FAM13B: variants seen among roughly 807,000 people sequenced by gnomAD.
FAM13B encodes protein FAM13B.
Under a neutral mutation model 117.3 loss-of-function variants are expected in FAM13B, and 60 were observed. That is an observed-to-expected ratio of 0.51 (90% CI 0.42 to 0.63). The LOEUF is 0.63. Among genes scored for constraint, FAM13B ranks in the 30% least tolerant of loss-of-function variants. The pLI is 0.00. For missense variants in FAM13B, 972 were observed against 1,091.9 expected (o/e 0.89, Z 1.55); for synonymous variants, 332 against 356.1 (o/e 0.93, Z 0.76).
chr5:138,037,563 G>T (rs773767267), upstream of FAM13B, among the ~76,000 whole-genome samples: 5 of 152,040 alleles, frequency 3.3e-5, no homozygotes, highest in Admixed American at 2.0e-4. Context: ...CACAGAGAAT[G>T]CAAATGGGTT....
In FAM13B at chr5:137,979,740, G is replaced by A. The variant is rs1775090725; in HGVS notation, c.1179+5517C>T. 5.9e-5 allele frequency among the ~76,000 whole-genome samples: 9 copies of A among 152,122 alleles called. No individual in the cohort carries two copies. The South Asian group carries it at 1.9e-3, about 32-fold the overall frequency. ...AAGTTCAAAATCCCCCTCATTCCAA[G>A]ACCTTCCATAACTACCCTGGCCAGA... is the stretch of plus-strand genomic sequence containing the variant. On this transcript the variant is annotated intron_variant, in intron 10 of 23. Coordinates refer to ENST00000689681, the MANE Select transcript of FAM13B (RefSeq NM_001385994.1).
At chr5:138,001,066 A>T (rs1270412988) in intron 7 of FAM13B, among the ~76,000 whole-genome samples, 1 of 152,172 alleles carries the variant, frequency 6.6e-6, no homozygotes, top group East Asian at 1.9e-4. Context: ...CCACATTAAC[A>T]TAAGCTCATT....
chr5:138,026,907 C>T (rs919056022), intron 1 of FAM13B, among the ~76,000 whole-genome samples: 2 of 150,772 alleles, frequency 1.3e-5, no homozygotes, highest in Non-Finnish European at 2.9e-5. Flanking sequence ...CCATTGCACT[C>T]CAGCCTGGGC....
intron 6 of FAM13B, 52 bp from the exon 7 acceptor site, chr5:138,007,199 C>T (rs564881337): frequency 1.5e-6 from 2 of 1,316,496 alleles, no homozygotes; most frequent in South Asian, 3.1e-5. Context: ...ACCGTTAACA[C>T]ATCTAAGACA....
chr5:138,016,299 G>A (rs1205297359), intron 4 of FAM13B, among the ~76,000 whole-genome samples: 1 of 152,146 alleles, frequency 6.6e-6, no homozygotes, highest in Non-Finnish European at 1.5e-5. Context: ...AGTACATGAT[G>A]CTGTCATAAT....
intron 11 of FAM13B, among the ~76,000 whole-genome samples, chr5:137,961,542 A>G (rs775036986): frequency 1.2e-4 from 18 of 152,196 alleles, no homozygotes; most frequent in Non-Finnish European, 2.4e-4. Context: ...GGACCTTCAG[A>G]GTATGGGGAG....
intron 23 of FAM13B, 43 bp from the exon 24 acceptor site, chr5:137,940,391 G>T (rs753796582): frequency 1.4e-6 from 2 of 1,438,722 alleles, no homozygotes; most frequent in Non-Finnish European, 1.9e-6. Flanking sequence ...GAGATCATTT[G>T]GAAAAAAAGA....
rs778721873 is a variant in FAM13B at position 137,949,091 on chromosome 5, T to C, written c.2024A>G (p.His675Arg). 6 of 1,614,108 alleles carry C rather than the reference T, an allele frequency of 3.7e-6. No individual in the cohort carries two copies. The South Asian group carries it at 5.5e-5, about 15-fold the overall frequency. ...LPKSFGSSLD[H>R]EDEENEDEPK... ...TTCATCTTCATTCTCTTCATCTTCA[T>C]GGTCTAGAGAAGAGCCAAAGCTTTT... The change falls in exon 18 of 24, where the codon CAT becomes CGT. Residue 675 changes from histidine to arginine, a missense_variant. Physicochemically the swap from His to Arg is conservative, Grantham distance 29. Coordinates refer to ENST00000689681, the MANE Select transcript of FAM13B (RefSeq NM_001385994.1).
At chr5:137,978,514 AG>A (rs1774691042) in intron 10 of FAM13B, among the ~76,000 whole-genome samples, 1 of 152,042 alleles carries the variant, frequency 6.6e-6, no homozygotes, top group African/African-American at 2.4e-5. Context: ...AAAAAAAAAA[AG>A]CCATTTCATT....
chr5:137,988,719 C>G (rs577841039), intron 7 of FAM13B, among the ~76,000 whole-genome samples: 1 of 152,274 alleles, frequency 6.6e-6, no homozygotes, highest in East Asian at 1.9e-4. Flanking sequence ...TTGGGTACCC[C>G]AAAGCCCCTG....
chr5:138,004,937 C>T (rs558333271), intron 7 of FAM13B, among the ~76,000 whole-genome samples: 1 of 152,238 alleles, frequency 6.6e-6, no homozygotes, highest in East Asian at 1.9e-4. Context: ...GAGCAGAGCT[C>T]TAAATTAACA....
intron 20 of FAM13B, among the ~76,000 whole-genome samples, chr5:137,943,915 A>G (rs975356650): frequency 6.6e-6 from 1 of 152,208 alleles, no homozygotes; most frequent in Non-Finnish European, 1.5e-5. Context: ...TTTAAAATGT[A>G]TAATTTGGTG....
At chr5:138,028,826 G>A (rs796713303) in intron 1 of FAM13B, among the ~76,000 whole-genome samples, 5 of 152,238 alleles carry the variant, frequency 3.3e-5, no homozygotes, top group African/African-American at 4.8e-5. Context: ...TGAGACCAGC[G>A]TGGCCAACAT....
At chr5:137,971,318 T>C (rs1772067514) in intron 10 of FAM13B, among the ~76,000 whole-genome samples, 1 of 152,126 alleles carries the variant, frequency 6.6e-6, no homozygotes, top group African/African-American at 2.4e-5. Context: ...CACTCAAAAC[T>C]GCTCAACTAC....
intron 10 of FAM13B, among the ~76,000 whole-genome samples, chr5:137,964,697 GGTGACA>G (rs1217436433): frequency 6.6e-6 from 1 of 151,950 alleles, no homozygotes; most frequent in Non-Finnish European, 1.5e-5. Flanking sequence ...CTCCAGTCTG[GGTGACA>G]GTACAAGACT....
At chr5:137,979,847 A>G (rs893061640) in intron 10 of FAM13B, among the ~76,000 whole-genome samples, 3 of 152,082 alleles carry the variant, frequency 2.0e-5, no homozygotes, top group African/African-American at 7.2e-5. Context: ...TGCATGTACA[A>G]CCTAGATTAT....
chr5:137,972,784 A>G (rs1460051664), intron 10 of FAM13B, among the ~76,000 whole-genome samples: 6 of 152,182 alleles, frequency 3.9e-5, no homozygotes, highest in Admixed American at 3.3e-4. Context: ...AAATCAATGT[A>G]CAAAAATCAC....
chr5:137,967,024 A>G (rs1770181447), intron 10 of FAM13B, among the ~76,000 whole-genome samples: 1 of 152,148 alleles, frequency 6.6e-6, no homozygotes, highest in African/African-American at 2.4e-5. Flanking sequence ...AAACCATAGA[A>G]GTATTTTTTT....
At chr5:138,014,405 A>G (rs1204743051) in intron 4 of FAM13B, among the ~76,000 whole-genome samples, 2 of 152,226 alleles carry the variant, frequency 1.3e-5, no homozygotes, top group African/African-American at 2.4e-5. Flanking sequence ...TTCTCATAGG[A>G]GCAAGAATGC....
Sources: allele counts gnomAD v4.1 joint callset (sites outside exome capture counted in the v4.1 genomes callset), GRCh38; gene constraint gnomAD v4.1.1; transcripts MANE v1.5; gene names NCBI Gene and HGNC (gene_info 2026-07-23, HGNC 2026-07-21).